CEP164: variants seen among roughly 807,000 people sequenced by gnomAD.
The protein encoded by CEP164 is centrosomal protein of 164 kDa.
In CEP164, 162 loss-of-function variants were observed where a neutral mutation model predicts 182.7. The ratio of observed to expected loss-of-function variants is 0.89; its 90% CI spans 0.78 to 1.01. The LOEUF (loss-of-function observed/expected upper bound fraction) is 1.01, where lower values mean the gene tolerates loss of function less well. Among genes scored for constraint, CEP164 ranks in the 50% least tolerant of loss-of-function variants. CEP164 has a pLI of 0.00. For synonymous variants in CEP164, 661 were observed against 690.0 expected, an observed-to-expected ratio of 0.96 and a Z score of 0.66; for missense variants, 1,735 against 1,790.4, an observed-to-expected ratio of 0.97 and a Z score of 0.56.
chr11:117,390,166 C>G (rs1026032041), intron 15 of CEP164, among the ~76,000 whole-genome samples: 5 of 151,850 alleles, frequency 3.3e-5, no homozygotes, highest in Admixed American at 1.3e-4. Context: ...TGGTCTCGAA[C>G]TCCTGACCTC....
chr11:117,396,452 T>C, intron 25 of CEP164, 98 bp from the exon 26 acceptor site: 1 of 1,015,538 alleles, frequency 9.8e-7, no homozygotes, highest in Non-Finnish European at 1.6e-6. Context: ...AGAGAGCCAT[T>C]TCCTTGTCTA....
intron 2 of CEP164, among the ~76,000 whole-genome samples, chr11:117,337,123 T>C (rs1188438167): frequency 6.6e-6 from 1 of 152,100 alleles, no homozygotes; most frequent in African/African-American, 2.4e-5. Flanking sequence ...TACCGTAGAC[T>C]GGGGGGCTCC....
chr11:117,354,707 G>A (rs1379798227), intron 5 of CEP164, among the ~76,000 whole-genome samples: 1 of 149,848 alleles, frequency 6.7e-6, no homozygotes, highest in South Asian at 2.1e-4. Context: ...TTCAGTTTGT[G>A]TTTTACTTCA....
At chr11:117,408,638 C>T in intron 28 of CEP164, 3 of 498,310 alleles carry the variant, frequency 6.0e-6, no homozygotes, top group Non-Finnish European at 1.1e-5. Context: ...GAGGAGTCTA[C>T]TCACCAAGTC....
intron 3 of CEP164, among the ~76,000 whole-genome samples, chr11:117,342,209 A>T (rs1212397708): frequency 6.6e-6 from 1 of 152,168 alleles, no homozygotes; most frequent in Non-Finnish European, 1.5e-5. Flanking sequence ...CATAGGAGGC[A>T]CTCAAAAATA....
intron 10 of CEP164, among the ~76,000 whole-genome samples, chr11:117,375,176 A>T (rs2042607149): frequency 6.6e-6 from 1 of 152,178 alleles, no homozygotes; most frequent in Non-Finnish European, 1.5e-5. Flanking sequence ...ATCTCTTCTC[A>T]TGCCTGGTTG....
At position 117,385,857 on chromosome 11, in the gene CEP164, A is replaced by C. The variant is rs1208552514; in HGVS notation, c.1725-1346A>C. The C allele has an allele frequency of 2.6e-5, 4 of 152,350 alleles. No homozygotes were observed. In the East Asian group the frequency reaches 7.7e-4, roughly 29 times the overall value. 9.4% of individuals were successfully genotyped at this position (152,350 alleles called of 1,614,324 possible). On this transcript the variant is annotated intron_variant, in intron 14 of 32. Coordinates refer to ENST00000278935, the MANE Select transcript of CEP164 (RefSeq NM_014956.5). ...CTGGTCCGAGTTATGATTTTAGGAA[A>C]GGGGAAACGAAAGGTCTTTATGGTA... is the stretch of plus-strand genomic sequence containing the variant.
At chr11:117,387,066 T>C in intron 14 of CEP164, 137 bp from the exon 15 acceptor site, 1 of 766,770 alleles carries the variant, frequency 1.3e-6, no homozygotes, top group Non-Finnish European at 2.2e-6. Context: ...GGCCTGCCCT[T>C]GGGTGACCTC....
intron 13 of CEP164, 113 bp downstream of exon 13, chr11:117,381,981 G>T: frequency 3.0e-5 from 16 of 537,442 alleles, no homozygotes; most frequent in Admixed American, 1.6e-4. Flanking sequence ...CTTGGGGAGG[G>T]AGTGGGGAGC....
At position 117,393,104 on chromosome 11, in the gene CEP164, C is replaced by T; in HGVS notation, c.2594C>T (p.Ala865Val). 6.2e-7 allele frequency: 1 copy of T among 1,613,332 alleles called. No individual in the cohort carries two copies. The highest frequency in any genetic ancestry group is 1.1e-5 in the South Asian group (1 of 91,038). The change falls in exon 20 of 33, where the codon GCC becomes GTC. Residue 865 changes from alanine to valine, a missense_variant. Transcript: ENST00000278935. ...GAGCACCAGCAAGTGATGGCTAAGG[C>T]CAGAGAGCAGTATGAAGCTGAGGTA... ...KEEHQQVMAK[A>V]REQYEAEERK...
In CEP164 at chr11:117,395,588, G is replaced by C; in HGVS notation, c.2955G>C (p.Lys985Asn). 1.2e-6 allele frequency: 2 copies of C among 1,613,668 alleles called. No individual in the cohort carries two copies. The highest frequency in any genetic ancestry group is 1.7e-6 in the Non-Finnish European group (2 of 1,179,832). The change falls in exon 24 of 33, where the codon AAG (lysine) becomes AAC (asparagine). Residue 985 changes from lysine to asparagine, a missense_variant. By Grantham distance (94) the Lys-to-Asn change is moderately conservative (BLOSUM62 0). Coordinates refer to ENST00000278935, the MANE Select transcript of CEP164 (RefSeq NM_014956.5). Reference sequence around the variant, plus strand: ...ATCAGCAGCTGGAGGAGGCACAGAAGGAGCACACCCACCTGTTGCAGTCAA... The same window carrying C: ...ATCAGCAGCTGGAGGAGGCACAGAACGAGCACACCCACCTGTTGCAGTCAA... Reference protein sequence around the residue: ...ATHQQLEEAQKEHTHLLQSNQ... With the variant: ...ATHQQLEEAQNEHTHLLQSNQ...
At chr11:117,396,516 A>C in intron 25 of CEP164, 34 bp from the exon 26 acceptor site, 2 of 1,580,752 alleles carry the variant, frequency 1.3e-6, no homozygotes, top group African/African-American at 1.3e-5. Context: ...TGCTTTTGCT[A>C]CACTCAGTGG....
At position 117,409,939 on chromosome 11, in the gene CEP164, T is replaced by G. The variant is rs750131036; in HGVS notation, c.4070T>G (p.Leu1357Trp). The change falls in exon 30 of 33, where the codon TTG becomes TGG. Residue 1357 changes from leucine to tryptophan, a missense_variant. Physicochemically the swap from Leu to Trp is moderately conservative, Grantham distance 61. Coordinates refer to ENST00000278935, the MANE Select transcript of CEP164 (RefSeq NM_014956.5). The surrounding 1 kb of genome is among the most constrained non-coding windows in gnomAD (Gnocchi z 4.4). ...GCTCAAACGGTGGACGACTTCCTGT[T>G]GGAGAAGTGGCGCAAGTATTTTCCA... ...SVAQTVDDFL[L>W]EKWRKYFPSG... 9 of 1,614,196 alleles carry G rather than the reference T, an allele frequency of 5.6e-6. No homozygotes were observed. The highest frequency in any genetic ancestry group is 7.6e-6 in the Non-Finnish European group (9 of 1,180,032).
At chr11:117,372,211 G>A (rs1378877245) in intron 9 of CEP164, among the ~76,000 whole-genome samples, 4 of 150,540 alleles carry the variant, frequency 2.7e-5, no homozygotes, top group Admixed American at 2.0e-4. Flanking sequence ...AGGTTCAAGC[G>A]ATTCTCGTGC....
At chr11:117,397,355 A>G in intron 27 of CEP164, 42 bp downstream of exon 27, 2 of 1,565,076 alleles carry the variant, frequency 1.3e-6, no homozygotes, top group South Asian at 1.2e-5. Context: ...TGTGTGGGGG[A>G]GGCGGGGGGA....
Position 117,339,937 on chromosome 11 carries a change from G to T in CEP164, c.82+1269G>T, listed in dbSNP as rs573828627. ...GGCACAGAAAGATTAACTTCCTGTG[G>T]ATATACAGTTCTATTCTAAGTGGTG... On this transcript the variant is annotated intron_variant, in intron 3 of 32. Coordinates refer to ENST00000278935, the MANE Select transcript of CEP164 (RefSeq NM_014956.5). 9.6e-4 allele frequency among the ~76,000 whole-genome samples: 146 copies of T among 152,182 alleles called. 1 individual carries two copies. The highest frequency in any genetic ancestry group is 1.7e-3 in the Non-Finnish European group (118 of 68,004).
chr11:117,338,776 A>G (rs775485604), intron 3 of CEP164, 108 bp downstream of exon 3: 91 of 875,492 alleles, frequency 1.0e-4, no homozygotes, highest in Non-Finnish European at 1.6e-4. Context: ...ACATGTACAG[A>G]GTTGCTTAGT....
chr11:117,405,169 G>A (rs2046535564), intron 27 of CEP164, among the ~76,000 whole-genome samples: 1 of 152,142 alleles, frequency 6.6e-6, no homozygotes, highest in Admixed American at 6.5e-5. Context: ...GAATGGTTCT[G>A]TGTCACTGGT....
upstream of CEP164, among the ~76,000 whole-genome samples, chr11:117,326,823 A>G (rs940234075): frequency 6.6e-6 from 1 of 151,962 alleles, no homozygotes; most frequent in Admixed American, 6.6e-5. Context: ...TGGCCTCATC[A>G]TTTTCCTCCT....
Sources: gnomAD v4.1 joint callset for allele counts (sites outside exome capture counted in the v4.1 genomes callset) on GRCh38, gnomAD v4.1.1 for gene constraint, Gnocchi (gnomAD v3.1) non-coding constraint, MANE v1.5 for transcripts, NCBI Gene and HGNC (gene_info 2026-07-23, HGNC 2026-07-21) for gene names.